BNC2: variants seen among roughly 807,000 people sequenced by gnomAD.
The protein encoded by BNC2 is zinc finger protein basonuclin-2.
Under a neutral mutation model 76.3 loss-of-function variants are expected in BNC2, and 20 were observed. That is an observed-to-expected ratio of 0.26 (90% CI 0.18 to 0.38). The LOEUF is 0.38. BNC2 is among the 10% of genes least tolerant of loss of function. The pLI, the probability that BNC2 is intolerant of heterozygous loss-of-function variation, is 1.00. For missense variants in BNC2, 1,382 were observed against 1,399.8 expected (o/e 0.99, Z 0.20); for synonymous variants, 582 against 514.8 (o/e 1.13, Z -1.77).
At chr9:16,688,950 A>G (rs935585647) in intron 3 of BNC2, among the ~76,000 whole-genome samples, 1 of 152,122 alleles carries the variant, frequency 6.6e-6, no homozygotes, top group African/African-American at 2.4e-5. Flanking sequence ...TTTGTGTATA[A>G]TCAGCAGAAA....
At chr9:16,613,534 G>A (rs1047597054) in intron 3 of BNC2, among the ~76,000 whole-genome samples, 3 of 152,088 alleles carry the variant, frequency 2.0e-5, no homozygotes, top group African/African-American at 4.8e-5. Context: ...TATAACAAAC[G>A]CCAACACCTG....
chr9:16,649,031 G>T (rs1454531737), intron 3 of BNC2, among the ~76,000 whole-genome samples: 1 of 152,154 alleles, frequency 6.6e-6, no homozygotes, highest in African/African-American at 2.4e-5. Flanking sequence ...AAACATAGAA[G>T]AAGTGTATCT....
chr9:16,540,840 C>G (rs566642065), intron 5 of BNC2, among the ~76,000 whole-genome samples: 23 of 152,176 alleles, frequency 1.5e-4, no homozygotes, highest in Admixed American at 5.2e-4. Flanking sequence ...ATTGAAAGAT[C>G]AGTGCTGCAA....
intron 5 of BNC2, among the ~76,000 whole-genome samples, chr9:16,511,589 G>A (rs997226441): frequency 6.6e-5 from 10 of 151,662 alleles, no homozygotes; most frequent in Non-Finnish European, 2.9e-5. Context: ...CACCATGCCT[G>A]GCTAATTTTT....
intron 1 of BNC2, among the ~76,000 whole-genome samples, chr9:16,761,093 C>A (rs1293162546): frequency 6.7e-6 from 1 of 149,048 alleles, no homozygotes; most frequent in Non-Finnish European, 1.5e-5. Flanking sequence ...AAAAAAAATA[C>A]AAAAATTAGC....
intron 1 of BNC2, among the ~76,000 whole-genome samples, chr9:16,856,199 C>A (rs1819251298): frequency 6.6e-6 from 1 of 151,956 alleles, no homozygotes; most frequent in Non-Finnish European, 1.5e-5. Flanking sequence ...TCTATTCTGC[C>A]TTCTACCCTC....
chr9:16,454,406 T>C (rs1587046117), intron 5 of BNC2, among the ~76,000 whole-genome samples: 2 of 152,178 alleles, frequency 1.3e-5, no homozygotes, highest in East Asian at 3.9e-4. Flanking sequence ...GCTCAAGCGA[T>C]ACTCTTGGCT....
chr9:16,597,005 T>G (rs1820106926), intron 3 of BNC2, among the ~76,000 whole-genome samples: 1 of 152,176 alleles, frequency 6.6e-6, no homozygotes, highest in South Asian at 2.1e-4. Context: ...GCTATTAGCT[T>G]CTCTTCATCA....
intron 3 of BNC2, among the ~76,000 whole-genome samples, chr9:16,595,658 A>G (rs1276254318): frequency 6.6e-6 from 1 of 152,172 alleles, no homozygotes; most frequent in African/African-American, 2.4e-5. Flanking sequence ...TGACATCTAT[A>G]TGAATCTGAA....
chr9:16,480,742 C>T (rs1047394277), intron 5 of BNC2, among the ~76,000 whole-genome samples: 11 of 152,362 alleles, frequency 7.2e-5, no homozygotes, highest in East Asian at 1.9e-4. Flanking sequence ...AGCTGCCTTC[C>T]GGCGGGGCAG....
intron 1 of BNC2, among the ~76,000 whole-genome samples, chr9:16,758,909 C>T (rs1275003449): frequency 2.1e-5 from 1 of 48,592 alleles, no homozygotes; most frequent in Non-Finnish European, 8.4e-5. Context: ...ATTAAATCAA[C>T]CTTTTAAAAA....
chr9:16,509,413 G>T (rs141480548), intron 5 of BNC2, among the ~76,000 whole-genome samples: 2 of 152,306 alleles, frequency 1.3e-5, no homozygotes, highest in East Asian at 3.9e-4. Context: ...TAACTGTTGG[G>T]AGTAAGGACC....
At chr9:16,710,443 T>G (rs770883301) in intron 3 of BNC2, among the ~76,000 whole-genome samples, 1 of 152,168 alleles carries the variant, frequency 6.6e-6, no homozygotes, top group Non-Finnish European at 1.5e-5. Context: ...TTAATGAATG[T>G]TTTCTTTCTT....
At position 16,436,644 on chromosome 9, in the gene BNC2, G is replaced by C. The variant is rs1190553238; in HGVS notation, c.1550C>G (p.Ala517Gly). 6.2e-7 allele frequency: 1 copy of C among 1,614,098 alleles called. No homozygotes were observed. The highest frequency in any genetic ancestry group is 8.5e-7 in the Non-Finnish European group (1 of 1,180,018). Residue 517 changes from alanine to glycine, a missense_variant, in exon 6 of 7, where the codon GCT becomes GGT. Transcript: ENST00000380672. ...TGTACTTGCTATGACAGGGGTGGCA[G>C]CTCCTGAGGTGGCCCGAATTAAATC... ...DKDLIRATSG[A>G]ATPVIASTKS...
At chr9:16,759,930 A>G (rs1175494117) in intron 1 of BNC2, among the ~76,000 whole-genome samples, 2 of 152,084 alleles carry the variant, frequency 1.3e-5, no homozygotes, top group Non-Finnish European at 2.9e-5. Flanking sequence ...TCACCGCATT[A>G]GCCAGGACGG....
chr9:16,514,766 CGAT>C (rs1822839586), intron 5 of BNC2, among the ~76,000 whole-genome samples: 1 of 152,058 alleles, frequency 6.6e-6, no homozygotes, highest in Non-Finnish European at 1.5e-5. Flanking sequence ...ATCCACGTCT[CGAT>C]GATGACAGAA....
intron 5 of BNC2, among the ~76,000 whole-genome samples, chr9:16,474,977 A>G (rs1322774012): frequency 6.6e-6 from 1 of 152,140 alleles, no homozygotes; most frequent in African/African-American, 2.4e-5. Context: ...AACTACATAG[A>G]CCTGGACAGC....
At chr9:16,845,824 C>CA (rs2136123711) in intron 1 of BNC2, among the ~76,000 whole-genome samples, 1 of 151,972 alleles carries the variant, frequency 6.6e-6, no homozygotes, top group Admixed American at 6.6e-5. Flanking sequence ...CTTAAGTTAC[C>CA]ATATGACAGA....
At chr9:16,664,171 A>G (rs1303346215) in intron 3 of BNC2, among the ~76,000 whole-genome samples, 1 of 152,144 alleles carries the variant, frequency 6.6e-6, no homozygotes, top group East Asian at 1.9e-4. Context: ...ATCAGTATTC[A>G]TTTCATCTCA....
Sources: gnomAD v4.1 joint callset for allele counts (sites outside exome capture counted in the v4.1 genomes callset) on GRCh38, gnomAD v4.1.1 for gene constraint, MANE v1.5 for transcripts, NCBI Gene and HGNC (gene_info 2026-07-23, HGNC 2026-07-21) for gene names.